Variants in CSMD1 observed in about 807,000 individuals in gnomAD.
CSMD1 encodes the protein CUB and Sushi multiple domains 1.
Under a neutral mutation model 417.5 loss-of-function variants are expected in CSMD1, and 213 were observed. The observed-to-expected ratio is 0.51, with a 90% CI of 0.46 to 0.57. CSMD1 has a LOEUF of 0.57. Ranked by LOEUF, CSMD1 falls within the 20% of genes least tolerant of loss-of-function variation. The pLI, the probability that CSMD1 is intolerant of heterozygous loss-of-function variation, is 0.00. For missense variants in CSMD1, 6,923 were observed against 4,529.7 expected (o/e 1.53, Z -15.17); for synonymous variants, 2,862 against 1,736.8 (o/e 1.65, Z -16.11).
intron 3 of CSMD1, among the ~76,000 whole-genome samples, chr8:4,333,965 C>G (rs1025507091): frequency 1.3e-5 from 2 of 152,114 alleles, no homozygotes; most frequent in Non-Finnish European, 2.9e-5. Flanking sequence ...CATCACGGCT[C>G]ACTGCAGTCT....
At chr8:4,665,542 G>C (rs1481687749) in intron 1 of CSMD1, among the ~76,000 whole-genome samples, 1 of 152,126 alleles carries the variant, frequency 6.6e-6, no homozygotes, top group Non-Finnish European at 1.5e-5. Flanking sequence ...GTGGCAGCTG[G>C]TTATCAGTGA....
At chr8:3,678,172 A>G (rs942846294) in intron 7 of CSMD1, among the ~76,000 whole-genome samples, 1 of 152,206 alleles carries the variant, frequency 6.6e-6, no homozygotes, top group Non-Finnish European at 1.5e-5. Flanking sequence ...CAGCAACAGA[A>G]CAAAGCTGGA....
Position 4,207,793 on chromosome 8 carries a change from G to A in CSMD1, c.416-175694C>T, listed in dbSNP as rs539531852. Among the ~76,000 whole-genome samples, 205 of 152,186 alleles carry A rather than the reference G, an allele frequency of 1.3e-3. 1 individual carries two copies. The highest frequency in any genetic ancestry group is 1.6e-3 in the Non-Finnish European group (109 of 67,954). ...TAGCAAACCATTAGAACTGGCAATAGCAAAAGTTACAATAATTATGTTGAA... is the reference window on the plus strand; with the variant it reads ...TAGCAAACCATTAGAACTGGCAATAACAAAAGTTACAATAATTATGTTGAA... On this transcript the variant is annotated intron_variant, in intron 3 of 69. Transcript: ENST00000635120.
intron 3 of CSMD1, among the ~76,000 whole-genome samples, chr8:4,192,583 C>T (rs780794441): frequency 3.3e-5 from 5 of 152,204 alleles, no homozygotes; most frequent in Non-Finnish European, 7.3e-5. Context: ...TTTTACTCTT[C>T]ATCAGCTTTG....
intron 1 of CSMD1, among the ~76,000 whole-genome samples, chr8:4,864,852 A>C (rs1164792427): frequency 6.9e-6 from 1 of 144,350 alleles, no homozygotes; most frequent in Non-Finnish European, 1.5e-5. Flanking sequence ...TTGGCCTAAT[A>C]TCACTGAAAT....
intron 3 of CSMD1, among the ~76,000 whole-genome samples, chr8:4,369,998 G>A (rs920757087): frequency 4.6e-5 from 7 of 152,040 alleles, no homozygotes; most frequent in African/African-American, 7.2e-5. Flanking sequence ...CTTGCTGTAA[G>A]CTGGTTCTTA....
intron 21 of CSMD1, among the ~76,000 whole-genome samples, chr8:3,348,780 T>A (rs999286026): frequency 6.6e-6 from 1 of 152,170 alleles, no homozygotes; most frequent in Non-Finnish European, 1.5e-5. Context: ...GACTTCTAGA[T>A]CTAAATTTGT....
At chr8:4,029,008 A>T (rs1482356783) in intron 4 of CSMD1, among the ~76,000 whole-genome samples, 1 of 152,208 alleles carries the variant, frequency 6.6e-6, no homozygotes, top group East Asian at 1.9e-4. Flanking sequence ...AAATATGACA[A>T]CGGCACTTGG....
chr8:4,254,456 C>T (rs924396096), intron 3 of CSMD1, among the ~76,000 whole-genome samples: 21 of 152,098 alleles, frequency 1.4e-4, no homozygotes, highest in African/African-American at 3.9e-4. Flanking sequence ...GATCACTAAG[C>T]GACATTGCAG....
At chr8:4,865,901 A>G (rs911071003) in intron 1 of CSMD1, among the ~76,000 whole-genome samples, 16 of 151,912 alleles carry the variant, frequency 1.1e-4, no homozygotes, top group Admixed American at 4.6e-4. Flanking sequence ...GTTTGAAAGA[A>G]AAATCACTGA....
At chr8:4,078,313 CT>C (rs34359373) in intron 3 of CSMD1, among the ~76,000 whole-genome samples, 1,864 of 131,218 alleles carry the variant, frequency 0.014, 14 homozygotes, top group African/African-American at 0.026. Flanking sequence ...TGATATCCAA[CT>C]TTTTTTTTTT....
intron 8 of CSMD1, among the ~76,000 whole-genome samples, chr8:3,606,362 A>T (rs1459263593): frequency 1.3e-5 from 2 of 152,344 alleles, no homozygotes; most frequent in Admixed American, 1.3e-4. Flanking sequence ...CCAGGCTATG[A>T]ACCCATACGG....
intron 26 of CSMD1, among the ~76,000 whole-genome samples, chr8:3,267,174 C>G (rs758906370): frequency 7.2e-5 from 11 of 152,208 alleles, no homozygotes; most frequent in Middle Eastern, 3.4e-3. Context: ...AGGACCACCA[C>G]TGCCTGGGAG....
intron 18 of CSMD1, among the ~76,000 whole-genome samples, chr8:3,375,797 C>G (rs1348099669): frequency 6.6e-6 from 1 of 152,140 alleles, no homozygotes; most frequent in Non-Finnish European, 1.5e-5. Flanking sequence ...TGGCCATAGA[C>G]CAGCACTCGA....
chr8:4,971,943 A>G (rs1339906935), intron 1 of CSMD1, among the ~76,000 whole-genome samples: 2 of 152,070 alleles, frequency 1.3e-5, no homozygotes, highest in Non-Finnish European at 2.9e-5. Context: ...TTGGGAGCAA[A>G]CATCATGCAT....
At position 3,087,186 on chromosome 8, in the gene CSMD1, C is replaced by T. The variant is rs1027595691; in HGVS notation, c.7385G>A (p.Gly2462Glu). ...GSKVHYFCKP[G>E]YRMVGHSNAT... is the part of the protein sequence containing the mutation. ...ATTGCTGTGGCCGACCATTCGGTAT[C>T]CAGGCTTGCAAAAATAATGCACTTT... The change falls in exon 49 of 70, where the codon GGA becomes GAA. Residue 2462 changes from glycine (G) to glutamate (E), a missense_variant. Transcript: ENST00000635120. 1.2e-6 allele frequency: 2 copies of T among 1,613,798 alleles called. No individual in the cohort carries two copies. Among genetic ancestry groups the T allele is most frequent in the African/African-American group, 2.7e-5 (2 of 74,904 alleles).
At chr8:3,975,762 G>C (rs1325505257) in intron 5 of CSMD1, among the ~76,000 whole-genome samples, 3 of 152,118 alleles carry the variant, frequency 2.0e-5, no homozygotes, top group Non-Finnish European at 4.4e-5. Context: ...TCATGTCCAA[G>C]TCTTCAAAAG....
In CSMD1 at chr8:3,086,394, G is replaced by C. The variant is rs142342335; in HGVS notation, c.7474+703C>G. Reference sequence around the variant, plus strand: ...ATAACTGTGATAAGTATCTATTACTGTCTCACAAAGCAATACCAGAAAATC... The same window carrying C: ...ATAACTGTGATAAGTATCTATTACTCTCTCACAAAGCAATACCAGAAAATC... On this transcript the variant is annotated intron_variant, in intron 49 of 69. Transcript: ENST00000635120. 7.6e-4 allele frequency among the ~76,000 whole-genome samples: 115 copies of C among 152,162 alleles called. 2 individuals are homozygous for C. In the East Asian group the frequency reaches 0.021, roughly 28 times the overall value.
chr8:3,857,474 C>T (rs1164527276), intron 5 of CSMD1, among the ~76,000 whole-genome samples: 1 of 152,060 alleles, frequency 6.6e-6, no homozygotes, highest in Admixed American at 6.6e-5. Context: ...GACAAATATC[C>T]CACCTATATA....
Sources: gnomAD v4.1 joint callset for allele counts (sites outside exome capture counted in the v4.1 genomes callset) on GRCh38, gnomAD v4.1.1 for gene constraint, MANE v1.5 for transcripts, NCBI Gene and HGNC (gene_info 2026-07-23, HGNC 2026-07-21) for gene names.